Variants in B4GALT6 observed in about 807,000 individuals in gnomAD.
B4GALT6 encodes UDP-Gal:beta-GlcNAc beta-1,4-galactosyltransferase 6.
B4GALT6 carries 14 observed loss-of-function variants against 46.3 expected under a neutral mutation model. The ratio of observed to expected loss-of-function variants is 0.30; its 90% CI spans 0.20 to 0.47. The LOEUF (loss-of-function observed/expected upper bound fraction) is 0.47, where lower values mean the gene tolerates loss of function less well. Among genes scored for constraint, B4GALT6 ranks in the 20% least tolerant of loss-of-function variants. The probability of loss-of-function intolerance (pLI) is 0.99; values close to 1 mark genes in which losing one functional copy is unlikely to be tolerated. For missense variants in B4GALT6, 386 were observed against 480.1 expected (o/e 0.80, Z 1.83); for synonymous variants, 168 against 162.0 (o/e 1.04, Z -0.28).
intron 5 of B4GALT6, among the ~76,000 whole-genome samples, chr18:31,634,277 GAA>G (rs2073829027): frequency 6.6e-6 from 1 of 152,184 alleles, no homozygotes; most frequent in Non-Finnish European, 1.5e-5. Flanking sequence ...GGATAAACTG[GAA>G]AAAGTTTCTA....
chr18:31,689,044 G>C (rs771064855), upstream of B4GALT6, among the ~76,000 whole-genome samples: 16 of 152,230 alleles, frequency 1.1e-4, no homozygotes, highest in South Asian at 4.1e-4. Context: ...TACACTGACA[G>C]GGGAAAAACT....
At chr18:31,650,417 G>A (rs1362234096) in intron 3 of B4GALT6, among the ~76,000 whole-genome samples, 2 of 152,218 alleles carry the variant, frequency 1.3e-5, no homozygotes, top group African/African-American at 4.8e-5. Context: ...CCCTCTAACA[G>A]GTAGGAGTGG....
chr18:31,683,900 C>G (rs577989747), intron 1 of B4GALT6, among the ~76,000 whole-genome samples: 1 of 152,122 alleles, frequency 6.6e-6, no homozygotes, highest in Non-Finnish European at 1.5e-5. Context: ...CTGCTGCTGG[C>G]TCCTCCATAT....
chr18:31,681,572 G>A (rs1268748111), intron 1 of B4GALT6, among the ~76,000 whole-genome samples: 1 of 152,198 alleles, frequency 6.6e-6, no homozygotes, highest in Non-Finnish European at 1.5e-5. Context: ...GACCCAAATA[G>A]TCCAGAAATA....
At chr18:31,714,821 A>G in the B4GALT6 span, among the ~76,000 whole-genome samples, 1 of 152,146 alleles carries the variant, frequency 6.6e-6, no homozygotes, top group African/African-American at 2.4e-5. Context: ...CTGAAATCTT[A>G]CCTTGTAGGC....
chr18:31,668,007 G>A (rs2074302389), intron 1 of B4GALT6, among the ~76,000 whole-genome samples: 1 of 151,286 alleles, frequency 6.6e-6, no homozygotes, highest in South Asian at 2.1e-4. Flanking sequence ...TGAGGCAGGA[G>A]AATGGCTTGA....
intron 1 of B4GALT6, among the ~76,000 whole-genome samples, chr18:31,669,084 T>C (rs1034553124): frequency 1.3e-5 from 2 of 152,098 alleles, no homozygotes; most frequent in Non-Finnish European, 1.5e-5. Context: ...TATCAGTTTG[T>C]TGATTTGTTG....
At chr18:31,648,149 A>G (rs953470613) in intron 3 of B4GALT6, among the ~76,000 whole-genome samples, 2 of 152,192 alleles carry the variant, frequency 1.3e-5, no homozygotes, top group African/African-American at 4.8e-5. Flanking sequence ...TGGAGAGCCA[A>G]TCTTCACTCT....
chr18:31,715,345 CT>C, the B4GALT6 span, among the ~76,000 whole-genome samples: 1 of 152,138 alleles, frequency 6.6e-6, no homozygotes, highest in African/African-American at 2.4e-5. Flanking sequence ...CCTGCCTCAG[CT>C]TTCCAAGTAG....
At chr18:31,647,998 G>A (rs1223352699) in intron 3 of B4GALT6, among the ~76,000 whole-genome samples, 7 of 152,066 alleles carry the variant, frequency 4.6e-5, no homozygotes, top group Non-Finnish European at 1.0e-4. Context: ...CAAAACAAAA[G>A]GCATCGGAAA....
chr18:31,652,976 G>A (rs2074092666), intron 3 of B4GALT6, among the ~76,000 whole-genome samples: 1 of 150,582 alleles, frequency 6.6e-6, no homozygotes, highest in South Asian at 2.1e-4. Context: ...GCCTTCGATG[G>A]TTCTCCATTT....
intron 2 of B4GALT6, among the ~76,000 whole-genome samples, chr18:31,662,694 A>G (rs2074233280): frequency 6.6e-6 from 1 of 152,168 alleles, no homozygotes; most frequent in South Asian, 2.1e-4. Flanking sequence ...ACAAAAAATT[A>G]GCCAGGCATG....
intron 2 of B4GALT6, among the ~76,000 whole-genome samples, chr18:31,663,476 A>G (rs1407184624): frequency 1.3e-5 from 2 of 152,246 alleles, no homozygotes; most frequent in Non-Finnish European, 2.9e-5. Context: ...CCATCTGATT[A>G]TGAGAGTATA....
the B4GALT6 span, among the ~76,000 whole-genome samples, chr18:31,702,847 G>A: frequency 8.5e-5 from 13 of 152,172 alleles, no homozygotes; most frequent in Non-Finnish European, 1.5e-4. Flanking sequence ...TCTAAGTGAG[G>A]AAGGAAAGGT....
chr18:31,721,581 G>C, the B4GALT6 span, among the ~76,000 whole-genome samples: 1 of 152,206 alleles, frequency 6.6e-6, no homozygotes, highest in Admixed American at 6.5e-5. Flanking sequence ...TTAAGCAGTT[G>C]ACGCTAAGTA....
intron 1 of B4GALT6, among the ~76,000 whole-genome samples, chr18:31,670,057 C>CTT (rs534836152): frequency 2.1e-5 from 3 of 143,996 alleles, no homozygotes; most frequent in African/African-American, 5.1e-5. Flanking sequence ...AAATGATGAT[C>CTT]TTTTTTTTTT....
At chr18:31,695,252 T>C in the B4GALT6 span, among the ~76,000 whole-genome samples, 1 of 146,172 alleles carries the variant, frequency 6.8e-6, no homozygotes, top group Non-Finnish European at 1.5e-5. Flanking sequence ...TTTAAACTAA[T>C]GAAATAAAAA....
chr18:31,684,417 G>A lies in B4GALT6; in HGVS notation c.10C>T (p.Leu4Phe), dbSNP rs143211727. The change falls in exon 1 of 9, where the codon CTC becomes TTC. Residue 4 changes from leucine to phenylalanine, a missense_variant. Coordinates refer to ENST00000306851, the MANE Select transcript of B4GALT6 (RefSeq NM_004775.5). MSV[L>F]RRMMRVSNRS... ...TTGGAAACCCGCATCATCCGCCTGA[G>A]CACAGACATCTTCCTCTTCCCTGCC... 4.3e-6 allele frequency: 7 copies of A among 1,613,482 alleles called. No individual in the cohort carries two copies. In the African/African-American group the frequency reaches 5.3e-5, roughly 12 times the overall value.
upstream of B4GALT6, among the ~76,000 whole-genome samples, chr18:31,687,495 T>C (rs373612806): frequency 3.9e-5 from 6 of 152,310 alleles, no homozygotes; most frequent in East Asian, 7.7e-4. Flanking sequence ...AAATGCTAAC[T>C]GAGCCTTTCC....
Sources: allele counts gnomAD v4.1 joint callset (sites outside exome capture counted in the v4.1 genomes callset), GRCh38; gene constraint gnomAD v4.1.1; transcripts MANE v1.5; gene names NCBI Gene and HGNC (gene_info 2026-07-23, HGNC 2026-07-21).